NDUFB5: variants seen among roughly 807,000 people sequenced by gnomAD.
NDUFB5 encodes NADH dehydrogenase [ubiquinone] 1 beta subcomplex subunit 5, mitochondrial.
A neutral mutation model predicts 19.4 loss-of-function variants in NDUFB5; 19 were observed. That is an observed-to-expected ratio of 0.98 (90% CI 0.68 to 1.43). The LOEUF (loss-of-function observed/expected upper bound fraction) is 1.43, where lower values mean the gene tolerates loss of function less well. NDUFB5 is among the 40% of genes most tolerant of loss of function. The pLI is 0.00. For missense variants in NDUFB5, 233 were observed against 236.5 expected (o/e 0.99, Z 0.10); for synonymous variants, 80 against 82.6 (o/e 0.97, Z 0.17).
chr3:179,619,003 G>A (rs1181928056), intron 5 of NDUFB5, among the ~76,000 whole-genome samples: 1 of 151,898 alleles, frequency 6.6e-6, no homozygotes, highest in Non-Finnish European at 1.5e-5. Flanking sequence ...GTCTTGCTCT[G>A]TTGCCCCAGC....
intron 5 of NDUFB5, among the ~76,000 whole-genome samples, chr3:179,619,762 A>G (rs923756447): frequency 1.3e-5 from 2 of 152,238 alleles, no homozygotes; most frequent in Non-Finnish European, 2.9e-5. Flanking sequence ...TAGATCCCTG[A>G]GGAATCGCCA....
At chr3:179,614,611 A>G (rs1476460594) in intron 1 of NDUFB5, among the ~76,000 whole-genome samples, 2 of 152,190 alleles carry the variant, frequency 1.3e-5, no homozygotes, top group African/African-American at 4.8e-5. Context: ...GATTATTTAG[A>G]TACTTTAACT....
At chr3:179,622,281 C>T (rs1297567340) in intron 5 of NDUFB5, among the ~76,000 whole-genome samples, 2 of 152,012 alleles carry the variant, frequency 1.3e-5, no homozygotes, top group African/African-American at 2.4e-5. Context: ...CATGAGTCAG[C>T]TTGCCCAGCC....
In NDUFB5 at chr3:179,624,604, C is replaced by CACACACACACACACAT. The variant is rs3832244; in HGVS notation, c.*564_*565insACACACACACACACAT. 6.7e-6 allele frequency: 1 copy of CACACACACACACACAT among 150,072 alleles called. No individual in the cohort carries two copies. The highest frequency in any genetic ancestry group is 2.5e-5 in the African/African-American group (1 of 40,580). The allele number at this position is 150,072 out of a possible 1,614,324, so 9.3% of individuals were successfully genotyped here. On this transcript the variant is annotated 3_prime_UTR_variant, in exon 6 of 6. Coordinates refer to ENST00000259037, the MANE Select transcript of NDUFB5 (RefSeq NM_002492.4). ...ACACACACACACACACACACACACACGCTCTTTTCCTAGATGCAATCTCTG... is the reference window on the plus strand; with the variant it reads ...ACACACACACACACACACACACACACACACACACACACACATGCTCTTTTCCTAGATGCAATCTCTG...
intron 1 of NDUFB5, among the ~76,000 whole-genome samples, chr3:179,614,510 A>C (rs1471958752): frequency 6.6e-6 from 1 of 152,218 alleles, no homozygotes; most frequent in Non-Finnish European, 1.5e-5. Flanking sequence ...TTTCTTTTGC[A>C]GCATTAGCAA....
chr3:179,616,910 T>TA, intron 3 of NDUFB5, 73 bp from the exon 4 acceptor site: 2 of 1,186,110 alleles, frequency 1.7e-6, no homozygotes, highest in Non-Finnish European at 2.4e-6. Flanking sequence ...GTTGGTTTCT[T>TA]ACTTTAATGG....
At chr3:179,616,106 T>C (rs755784412) in intron 3 of NDUFB5, 57 bp downstream of exon 3, 2 of 1,230,848 alleles carry the variant, frequency 1.6e-6, no homozygotes, top group African/African-American at 1.5e-5. Flanking sequence ...TTTAAACATA[T>C]GTACATTAAT....
intron 1 of NDUFB5, among the ~76,000 whole-genome samples, chr3:179,607,144 C>T (rs1719127103): frequency 6.6e-6 from 1 of 152,184 alleles, no homozygotes; most frequent in Non-Finnish European, 1.5e-5. Flanking sequence ...TTACCGTGTT[C>T]TGCGCCCTTT....
intron 5 of NDUFB5, among the ~76,000 whole-genome samples, chr3:179,620,628 C>T (rs900978557): frequency 1.3e-5 from 2 of 152,070 alleles, no homozygotes; most frequent in Non-Finnish European, 1.5e-5. Context: ...AGTCAGGTAG[C>T]GTGATGCCTC....
In NDUFB5 at chr3:179,616,015, A is replaced by G; in HGVS notation, c.246A>G (p.Val82=). ...RFYIALTGIP[V]AIFITLVNVF... is the part of the protein sequence containing the mutation. ...ACATTGCATTGACTGGGATTCCAGT[A>G]GCAATTTTCATAACTCTGGTGAATG... The change falls in exon 3 of 6, where the codon GTA becomes GTG. Residue 82 remains valine (V), a synonymous_variant. Coordinates refer to ENST00000259037, the MANE Select transcript of NDUFB5 (RefSeq NM_002492.4). 1.2e-6 allele frequency: 2 copies of G among 1,613,834 alleles called. No individual in the cohort carries two copies. The highest frequency in any genetic ancestry group is 1.1e-5 in the South Asian group (1 of 91,030).
Position 179,604,881 on chromosome 3 carries a change from C to A in NDUFB5, c.66C>A (p.Pro22=), listed in dbSNP as rs1025037356. The part of the protein sequence containing the change: ...VTAVAALSGR[P]LGTRLGFGGF... ...CGGTGGCAGCTCTGTCTGGCCGGCC[C>A]CTTGGCACTCGCCTCGGATTTGGGG... Residue 22 remains proline, a synonymous_variant, in exon 1 of 6, where the codon CCC becomes CCA. Coordinates refer to ENST00000259037, the MANE Select transcript of NDUFB5 (RefSeq NM_002492.4). The A allele has an allele frequency of 6.3e-7, 1 of 1,595,376 alleles. No individual in the cohort carries two copies. The highest frequency in any genetic ancestry group is 8.5e-7 in the Non-Finnish European group (1 of 1,175,074).
chr3:179,614,277 G>A (rs562065031), intron 1 of NDUFB5, among the ~76,000 whole-genome samples: 1 of 152,134 alleles, frequency 6.6e-6, no homozygotes, highest in South Asian at 2.1e-4. Flanking sequence ...AATTCTGTCA[G>A]GGGGAGACTT....
intron 1 of NDUFB5, among the ~76,000 whole-genome samples, chr3:179,613,390 A>G (rs4147788): frequency 0.53 from 81,152 of 151,818 alleles, 22,009 homozygotes; most frequent in East Asian, 0.78. Flanking sequence ...ACTGTATCCT[A>G]TTTCTTTCCC....
chr3:179,619,405 G>A (rs1719469717), intron 5 of NDUFB5, among the ~76,000 whole-genome samples: 1 of 149,784 alleles, frequency 6.7e-6, no homozygotes, highest in African/African-American at 2.5e-5. Flanking sequence ...CTGTGTCCAT[G>A]TGTTCTCATT....
At chr3:179,617,869 A>C (rs1206575030) in intron 4 of NDUFB5, among the ~76,000 whole-genome samples, 2 of 152,240 alleles carry the variant, frequency 1.3e-5, no homozygotes, top group African/African-American at 4.8e-5. Flanking sequence ...TCATTATACC[A>C]TACTGCCACT....
chr3:179,627,351 C>T lies in NDUFB5; in HGVS notation c.*3311C>T, dbSNP rs1719696743. The stretch of plus-strand genomic sequence containing the variant: ...TAGTGAGTGTTAGCTCTCCTCCCTT[C>T]CCAGGCATTGTGAAGACCCTGTTTC... On this transcript the variant is annotated 3_prime_UTR_variant, in exon 6 of 6. Coordinates refer to ENST00000259037, the MANE Select transcript of NDUFB5 (RefSeq NM_002492.4). The T allele has an allele frequency of 6.6e-6, 1 of 152,188 alleles. No homozygotes were observed. Among genetic ancestry groups the T allele is most frequent in the Non-Finnish European group, 1.5e-5 (1 of 68,036 alleles). 9.4% of individuals were successfully genotyped at this position (152,188 alleles called of 1,614,324 possible).
chr3:179,609,669 C>G (rs1009176648), intron 1 of NDUFB5, among the ~76,000 whole-genome samples: 1 of 152,170 alleles, frequency 6.6e-6, no homozygotes, highest in African/African-American at 2.4e-5. Flanking sequence ...GAGGAACCCT[C>G]ATGCTATTTT....
intron 1 of NDUFB5, among the ~76,000 whole-genome samples, chr3:179,610,020 A>G (rs1031489242): frequency 1.3e-5 from 2 of 152,106 alleles, no homozygotes; most frequent in East Asian, 1.9e-4. Flanking sequence ...GACTCAAGCA[A>G]TCCTGCTTCA....
chr3:179,614,371 A>G (rs1249969950), intron 1 of NDUFB5, among the ~76,000 whole-genome samples: 1 of 152,192 alleles, frequency 6.6e-6, no homozygotes, highest in East Asian at 1.9e-4. Context: ...AACAAGTTCT[A>G]ATTCCTGCTG....
Sources: allele counts gnomAD v4.1 joint callset (sites outside exome capture counted in the v4.1 genomes callset), GRCh38; gene constraint gnomAD v4.1.1; transcripts MANE v1.5; gene names NCBI Gene and HGNC (gene_info 2026-07-23, HGNC 2026-07-21).